The following EFCAB11 variants were observed in gnomAD, a reference collection of about 807,000 sequenced individuals.
EFCAB11 encodes the protein EF-hand calcium-binding domain-containing protein 11.
Under a neutral mutation model 23.0 loss-of-function variants are expected in EFCAB11, and 14 were observed. The ratio of observed to expected loss-of-function variants is 0.61; its 90% CI spans 0.40 to 0.95. The LOEUF (loss-of-function observed/expected upper bound fraction) is 0.95, where lower values mean the gene tolerates loss of function less well. Ranked by LOEUF, EFCAB11 falls within the 40% of genes least tolerant of loss-of-function variation. The pLI, the probability that EFCAB11 is intolerant of heterozygous loss-of-function variation, is 0.00. For missense variants in EFCAB11, 198 were observed against 195.8 expected (o/e 1.01, Z -0.07); for synonymous variants, 65 against 66.6 (o/e 0.98, Z 0.11).
chr14:89,909,494 A>C (rs7156784), intron 5 of EFCAB11, among the ~76,000 whole-genome samples: 8,610 of 139,944 alleles, frequency 0.062, 419 homozygotes, highest in African/African-American at 0.16. Context: ...CAGGGAGAAT[A>C]GCTTGAAGCC....
intron 5 of EFCAB11, among the ~76,000 whole-genome samples, chr14:89,868,760 T>C (rs747385184): frequency 1.3e-5 from 2 of 152,240 alleles, no homozygotes; most frequent in Non-Finnish European, 2.9e-5. Context: ...ATTTTACCTT[T>C]GAAGCCCATT....
intron 4 of EFCAB11, 37 bp downstream of exon 4, chr14:89,932,488 TA>T: frequency 6.6e-7 from 1 of 1,512,040 alleles, no homozygotes; most frequent in Non-Finnish European, 9.1e-7. Context: ...CCCTTAAAAG[TA>T]ATTTTTTTTA....
chr14:89,836,619 C>T (rs1250261612), intron 5 of EFCAB11: 3 of 456,718 alleles, frequency 6.6e-6, no homozygotes, highest in South Asian at 4.6e-5. Flanking sequence ...ATTGATGAAT[C>T]CCAAATAAAA....
intron 5 of EFCAB11, among the ~76,000 whole-genome samples, chr14:89,828,243 C>A (rs1265603535): frequency 2.0e-5 from 3 of 151,464 alleles, no homozygotes; most frequent in East Asian, 3.9e-4. Context: ...GTATAAAAAC[C>A]TATGAAAATG....
chr14:89,916,559 A>T (rs972843428), intron 5 of EFCAB11, among the ~76,000 whole-genome samples: 1 of 152,370 alleles, frequency 6.6e-6, no homozygotes, highest in East Asian at 1.9e-4. Context: ...AGAAAAAAGT[A>T]AGGGCCAGCA....
chr14:89,932,555 C>A lies in EFCAB11; in HGVS notation c.290G>T (p.Arg97Ile). The A allele has an allele frequency of 6.2e-7, 1 of 1,613,848 alleles. No homozygotes were observed. The highest frequency in any genetic ancestry group is 1.7e-5 in the Admixed American group (1 of 60,008). ...KEAQRYRNEV[R>I]HIFTAFDTYY... ...GGTGTCAAAGGCTGTGAAGATGTGT[C>A]TTACTTCGTTCCGATATCGTTGAGC... is the stretch of plus-strand genomic sequence containing the variant. Residue 97 changes from arginine to isoleucine, a missense_variant, in exon 4 of 6, where the codon AGA becomes ATA. Physicochemically the swap from Arg to Ile is moderately conservative, Grantham distance 97. Coordinates refer to ENST00000316738, the MANE Select transcript of EFCAB11 (RefSeq NM_145231.4).
chr14:89,901,501 C>G (rs745593363), intron 5 of EFCAB11, among the ~76,000 whole-genome samples: 3 of 152,126 alleles, frequency 2.0e-5, no homozygotes, highest in African/African-American at 7.2e-5. Flanking sequence ...GGGCCCAGCA[C>G]GCACCAAGAA....
chr14:89,915,030 TA>T (rs897760864), intron 5 of EFCAB11, among the ~76,000 whole-genome samples: 3 of 150,800 alleles, frequency 2.0e-5, no homozygotes, highest in Non-Finnish European at 3.0e-5. Context: ...TATTAATGGT[TA>T]AAAAAAAACA....
chr14:89,892,352 G>GAA (rs2140190501), intron 5 of EFCAB11: 2 of 1,613,598 alleles, frequency 1.2e-6, no homozygotes, highest in South Asian at 2.2e-5. Flanking sequence ...CATCAAGCTA[G>GAA]AAGAGGGCTT....
chr14:89,918,824 A>AC (rs1225177745), intron 5 of EFCAB11, among the ~76,000 whole-genome samples: 1 of 151,842 alleles, frequency 6.6e-6, no homozygotes, highest in Non-Finnish European at 1.5e-5. Flanking sequence ...AGCCACAGGT[A>AC]CAGGAGGGGT....
At chr14:89,947,316 T>A (rs559414821) in intron 3 of EFCAB11, among the ~76,000 whole-genome samples, 1 of 152,040 alleles carries the variant, frequency 6.6e-6, no homozygotes, top group Non-Finnish European at 1.5e-5. Flanking sequence ...TCTCCTTCCC[T>A]CCCTCTCTCT....
intron 5 of EFCAB11, among the ~76,000 whole-genome samples, chr14:89,905,929 C>CGAAA (rs1889482063): frequency 6.6e-6 from 1 of 151,988 alleles, no homozygotes; most frequent in South Asian, 2.1e-4. Flanking sequence ...ATATCACTGA[C>CGAAA]GAAACAGAAA....
chr14:89,940,818 T>C (rs564418335), intron 3 of EFCAB11, among the ~76,000 whole-genome samples: 2 of 152,354 alleles, frequency 1.3e-5, no homozygotes, highest in East Asian at 1.9e-4. Context: ...GAGACAAATG[T>C]ATGAGGATTC....
At chr14:89,951,645 T>C (rs979748500) in intron 2 of EFCAB11, among the ~76,000 whole-genome samples, 7 of 152,036 alleles carry the variant, frequency 4.6e-5, no homozygotes, top group African/African-American at 7.2e-5. Context: ...CAGTAGCTTA[T>C]GCCTGTAATC....
intron 5 of EFCAB11, among the ~76,000 whole-genome samples, chr14:89,918,937 G>A (rs1889936089): frequency 6.6e-6 from 1 of 150,672 alleles, no homozygotes; most frequent in African/African-American, 2.4e-5. Context: ...TCTGACCTGA[G>A]TGACAGGCAT....
chr14:89,900,588 C>A lies in EFCAB11; in HGVS notation c.410+30953G>T, dbSNP rs552676373. Among the ~76,000 whole-genome samples the A allele has an allele frequency of 7.2e-5, 11 of 152,302 alleles. No individual in the cohort carries two copies. The East Asian group carries it at 1.2e-3, about 16-fold the overall frequency. On this transcript the variant is annotated intron_variant, in intron 5 of 5. Coordinates refer to ENST00000316738, the MANE Select transcript of EFCAB11 (RefSeq NM_145231.4). ...AGGCTTTGTCAGCTGTTTTCCAGAA[C>A]CTTCCGGAACACAGCCAGTGGGAAG... is the stretch of plus-strand genomic sequence containing the variant.
At chr14:89,865,146 C>CGGGGCA (rs1566788922) in intron 5 of EFCAB11, among the ~76,000 whole-genome samples, 1 of 152,178 alleles carries the variant, frequency 6.6e-6, no homozygotes, top group African/African-American at 2.4e-5. Context: ...ACCACTGACA[C>CGGGGCA]GGGGCAAGGG....
intron 5 of EFCAB11, among the ~76,000 whole-genome samples, chr14:89,914,252 A>G (rs1313636704): frequency 2.0e-5 from 3 of 152,216 alleles, no homozygotes; most frequent in African/African-American, 7.2e-5. Context: ...ATGAGGCATC[A>G]TCACACCCAA....
At chr14:89,947,493 C>T (rs2139841802) in intron 3 of EFCAB11, among the ~76,000 whole-genome samples, 1 of 152,312 alleles carries the variant, frequency 6.6e-6, no homozygotes, top group South Asian at 2.1e-4. Context: ...TCATCACTTT[C>T]CACTTATCTT....
Sources: allele counts gnomAD v4.1 joint callset (sites outside exome capture counted in the v4.1 genomes callset), GRCh38; gene constraint gnomAD v4.1.1; transcripts MANE v1.5; gene names NCBI Gene and HGNC (gene_info 2026-07-23, HGNC 2026-07-21).